Variants in ATP9B observed in about 807,000 individuals in gnomAD.
The protein encoded by ATP9B is probable phospholipid-transporting ATPase IIB.
In ATP9B, 110 loss-of-function variants were observed where a neutral mutation model predicts 146.1. That is an observed-to-expected ratio of 0.75 (90% CI 0.65 to 0.88). The LOEUF (loss-of-function observed/expected upper bound fraction) is 0.88, where lower values mean the gene tolerates loss of function less well. Ranked by LOEUF, ATP9B falls within the 40% of genes least tolerant of loss-of-function variation. ATP9B has a pLI of 0.00. For missense variants in ATP9B, 1,499 were observed against 1,496.4 expected (o/e 1.00, Z -0.03); for synonymous variants, 604 against 569.7 (o/e 1.06, Z -0.86).
At chr18:79,299,944 G>A (rs868364869) in intron 13 of ATP9B, 39 of 152,398 alleles carry the variant, frequency 2.6e-4, no homozygotes, top group African/African-American at 8.2e-4. Flanking sequence ...GCCGTAGGCC[G>A]GGCTGTGCAG....
chr18:79,088,787 A>G (rs540773739), intron 1 of ATP9B, among the ~76,000 whole-genome samples: 8 of 152,240 alleles, frequency 5.3e-5, no homozygotes, highest in Admixed American at 2.6e-4. Context: ...GTCTTTTTCA[A>G]CATCACAGCA....
chr18:79,213,672 A>G (rs1479840112), intron 10 of ATP9B, among the ~76,000 whole-genome samples: 1 of 152,142 alleles, frequency 6.6e-6, no homozygotes, highest in Non-Finnish European at 1.5e-5. Context: ...ACAGTAGTGA[A>G]AGGCCATTGT....
At chr18:79,303,831 A>G (rs2096606504) in intron 14 of ATP9B, 115 bp downstream of exon 14, 1 of 620,386 alleles carries the variant, frequency 1.6e-6, no homozygotes, top group South Asian at 2.2e-5. Flanking sequence ...TGGTCTTAAC[A>G]TCCTGCTACT....
intron 13 of ATP9B, among the ~76,000 whole-genome samples, chr18:79,298,707 G>A (rs1046089267): frequency 6.8e-6 from 1 of 146,860 alleles, no homozygotes; most frequent in Non-Finnish European, 1.5e-5. Context: ...CATCAAGACT[G>A]TGTGGTATTG....
intron 17 of ATP9B, among the ~76,000 whole-genome samples, chr18:79,334,336 G>A (rs1329406764): frequency 6.6e-6 from 1 of 151,974 alleles, no homozygotes; most frequent in Non-Finnish European, 1.5e-5. Context: ...CAGCCTGGGT[G>A]ACAGAGCAAG....
chr18:79,258,649 G>C (rs539871690), intron 12 of ATP9B, among the ~76,000 whole-genome samples: 1 of 152,106 alleles, frequency 6.6e-6, no homozygotes, highest in African/African-American at 2.4e-5. Flanking sequence ...GGCTTTCTGC[G>C]GGTCTCTCTT....
chr18:79,284,491 T>C (rs762941566), intron 13 of ATP9B, among the ~76,000 whole-genome samples: 11 of 152,338 alleles, frequency 7.2e-5, no homozygotes, highest in Non-Finnish European at 1.5e-4. Flanking sequence ...CTTTAAACAG[T>C]GTCATTGACT....
At chr18:79,329,868 G>A (rs746583047) in intron 16 of ATP9B, 144 bp from the exon 17 acceptor site, 26 of 703,788 alleles carry the variant, frequency 3.7e-5, no homozygotes, top group African/African-American at 7.0e-5. Flanking sequence ...AGCCCTCCGC[G>A]TAGAAACACG....
intron 8 of ATP9B, among the ~76,000 whole-genome samples, chr18:79,183,477 A>G (rs1350425739): frequency 6.6e-6 from 1 of 152,158 alleles, no homozygotes; most frequent in Admixed American, 6.5e-5. Context: ...CTTACCTAAG[A>G]AAATGTATTT....
At chr18:79,096,230 G>T (rs1173009180) in intron 1 of ATP9B, among the ~76,000 whole-genome samples, 1 of 152,144 alleles carries the variant, frequency 6.6e-6, no homozygotes, top group Non-Finnish European at 1.5e-5. Context: ...CACCACAGAT[G>T]CCTCCAGGAT....
At chr18:79,344,021 C>A (rs910105618) in intron 20 of ATP9B, 2 of 561,168 alleles carry the variant, frequency 3.6e-6, no homozygotes, top group Admixed American at 3.2e-5. Flanking sequence ...CCTCACTATA[C>A]GTTTCCTGCT....
intron 15 of ATP9B, among the ~76,000 whole-genome samples, chr18:79,319,425 G>A (rs757302302): frequency 4.6e-5 from 7 of 151,684 alleles, no homozygotes; most frequent in African/African-American, 9.7e-5. Flanking sequence ...CCTGGCTAAC[G>A]TGAGTGAATA....
At chr18:79,200,488 A>G (rs1030113656) in intron 9 of ATP9B, among the ~76,000 whole-genome samples, 1 of 152,202 alleles carries the variant, frequency 6.6e-6, no homozygotes, top group African/African-American at 2.4e-5. Flanking sequence ...AGATACAGGG[A>G]CTTAAGGCAG....
chr18:79,287,510 C>T (rs201051305), intron 13 of ATP9B, among the ~76,000 whole-genome samples: 2 of 151,914 alleles, frequency 1.3e-5, no homozygotes, highest in African/African-American at 4.8e-5. Flanking sequence ...TCTCTCTTTT[C>T]TTCTTTATTA....
intron 29 of ATP9B, among the ~76,000 whole-genome samples, chr18:79,376,533 G>A (rs896592340): frequency 3.3e-5 from 5 of 152,062 alleles, no homozygotes; most frequent in Admixed American, 2.6e-4. Flanking sequence ...GGGATTACAG[G>A]TGCCTGCCAC....
chr18:79,197,213 TAATC>T (rs1422537162), intron 9 of ATP9B, among the ~76,000 whole-genome samples: 5 of 152,158 alleles, frequency 3.3e-5, no homozygotes, highest in Admixed American at 2.0e-4. Context: ...GTAAATATAT[TAATC>T]AATTTTTGTA....
chr18:79,071,853 T>A (rs1599288093), intron 1 of ATP9B, among the ~76,000 whole-genome samples: 1 of 151,844 alleles, frequency 6.6e-6, no homozygotes, highest in Non-Finnish European at 1.5e-5. Context: ...ATGATGTGTC[T>A]TATCATGGAT....
At chr18:79,151,431 G>C (rs143318744) in intron 6 of ATP9B, among the ~76,000 whole-genome samples, 31 of 152,230 alleles carry the variant, frequency 2.0e-4, no homozygotes, top group African/African-American at 6.7e-4. Context: ...GTTTTTATCT[G>C]TTTTCCTGTC....
At chr18:79,174,387 C>T (rs1385681511) in intron 7 of ATP9B, among the ~76,000 whole-genome samples, 9 of 152,156 alleles carry the variant, frequency 5.9e-5, no homozygotes, top group Admixed American at 2.6e-4. Context: ...CAGATTACAA[C>T]CACAATTCCA....
Sources: gnomAD v4.1 joint callset for allele counts (sites outside exome capture counted in the v4.1 genomes callset) on GRCh38, gnomAD v4.1.1 for gene constraint, MANE v1.5 for transcripts, NCBI Gene and HGNC (gene_info 2026-07-23, HGNC 2026-07-21) for gene names.